RPRD1A: variants seen among roughly 807,000 people sequenced by gnomAD.
The protein encoded by RPRD1A is regulation of nuclear pre-mRNA domain-containing protein 1A.
A neutral mutation model predicts 37.8 loss-of-function variants in RPRD1A; 9 were observed. The observed-to-expected ratio is 0.24, with a 90% CI of 0.14 to 0.42. The LOEUF is 0.42. Ranked by LOEUF, RPRD1A falls within the 10% of genes least tolerant of loss-of-function variation. RPRD1A has a pLI of 1.00. For missense variants in RPRD1A, 255 were observed against 371.0 expected (o/e 0.69, Z 2.57); for synonymous variants, 138 against 139.7 (o/e 0.99, Z 0.08).
intron 6 of RPRD1A, chr18:36,025,781 T>G (rs1467177267): frequency 7.2e-6 from 3 of 416,302 alleles, no homozygotes; most frequent in Non-Finnish European, 8.1e-6. Flanking sequence ...AATAAAACAA[T>G]TAACACTATG....
chr18:36,055,731 A>AGAATAC (rs1913718121), intron 1 of RPRD1A, among the ~76,000 whole-genome samples: 1 of 152,212 alleles, frequency 6.6e-6, no homozygotes, highest in South Asian at 2.1e-4. Flanking sequence ...AAGAATACAC[A>AGAATAC]AGAAAACTCT....
At chr18:36,028,901 C>T (rs1183874209) in intron 4 of RPRD1A, among the ~76,000 whole-genome samples, 1 of 152,182 alleles carries the variant, frequency 6.6e-6, no homozygotes, top group African/African-American at 2.4e-5. Context: ...AAAAATACTC[C>T]TAAGATATGC....
At chr18:36,030,294 G>A (rs909799566) in intron 4 of RPRD1A, among the ~76,000 whole-genome samples, 2 of 146,678 alleles carry the variant, frequency 1.4e-5, no homozygotes, top group African/African-American at 5.1e-5. Flanking sequence ...AGACCAGCCT[G>A]GCCAACATGG....
chr18:36,009,551 GA>G (rs1910039307), intron 6 of RPRD1A, among the ~76,000 whole-genome samples: 1 of 152,180 alleles, frequency 6.6e-6, no homozygotes, highest in South Asian at 2.1e-4. Context: ...CATCTTCTGT[GA>G]ATACTGCCTA....
intron 6 of RPRD1A, among the ~76,000 whole-genome samples, chr18:36,002,981 A>G (rs182226452): frequency 2.0e-4 from 31 of 152,350 alleles, no homozygotes; most frequent in Admixed American, 1.8e-3. Context: ...TAACACATCC[A>G]ATGGTCCTAG....
At position 36,016,084 on chromosome 18, in the gene RPRD1A, GA is replaced by G. The variant is rs1231185960; in HGVS notation, c.789+10815del. 2.0e-5 allele frequency among the ~76,000 whole-genome samples: 3 copies of G among 151,936 alleles called. No homozygotes were observed. The East Asian group carries it at 5.8e-4, about 29-fold the overall frequency. On this transcript the variant is annotated intron_variant, in intron 6 of 6. Coordinates refer to ENST00000399022, the MANE Select transcript of RPRD1A (RefSeq NM_018170.5). ...TAAGTAATCTGATAAAAGGCAAAGAGAAAAAAACTATGTAAAATAAATGCTT... is the reference window on the plus strand; with the variant it reads ...TAAGTAATCTGATAAAAGGCAAAGAGAAAAAACTATGTAAAATAAATGCTT...
At chr18:36,009,694 T>C (rs1455412247) in intron 6 of RPRD1A, among the ~76,000 whole-genome samples, 1 of 152,220 alleles carries the variant, frequency 6.6e-6, no homozygotes, top group Non-Finnish European at 1.5e-5. Context: ...CCATTATGAA[T>C]AGAACTTACT....
chr18:36,005,796 A>G (rs961018919), intron 6 of RPRD1A, among the ~76,000 whole-genome samples: 1 of 152,226 alleles, frequency 6.6e-6, no homozygotes, highest in African/African-American at 2.4e-5. Context: ...ACTAACCAAG[A>G]TAGACATCCA....
intron 6 of RPRD1A, among the ~76,000 whole-genome samples, chr18:36,024,579 G>A (rs1911232306): frequency 6.6e-6 from 1 of 152,022 alleles, no homozygotes; most frequent in African/African-American, 2.4e-5. Context: ...TTTAATAATG[G>A]CTTCCTTAAG....
chr18:36,006,084 A>T (rs375238707), intron 6 of RPRD1A, among the ~76,000 whole-genome samples: 33 of 152,368 alleles, frequency 2.2e-4, no homozygotes, highest in East Asian at 7.7e-4. Flanking sequence ...AAAATAGAAG[A>T]AGTACTTAGA....
chr18:36,045,674 C>A (rs150895863), intron 1 of RPRD1A, among the ~76,000 whole-genome samples: 1 of 152,160 alleles, frequency 6.6e-6, no homozygotes. Context: ...AACTTTGCAA[C>A]CTGATGAAAT....
intron 6 of RPRD1A, among the ~76,000 whole-genome samples, chr18:36,022,343 G>C (rs1285870308): frequency 6.6e-6 from 1 of 152,194 alleles, no homozygotes; most frequent in Non-Finnish European, 1.5e-5. Flanking sequence ...GATGACGGTG[G>C]CTACACTAAA....
chr18:36,049,414 T>C (rs1005166023), intron 1 of RPRD1A, among the ~76,000 whole-genome samples: 4 of 151,058 alleles, frequency 2.6e-5, no homozygotes, highest in African/African-American at 4.9e-5. Context: ...ATCAAAAACC[T>C]GCATATAATT....
At chr18:36,045,497 G>A (rs1912890265) in intron 1 of RPRD1A, among the ~76,000 whole-genome samples, 1 of 152,180 alleles carries the variant, frequency 6.6e-6, no homozygotes, top group Non-Finnish European at 1.5e-5. Context: ...TGCATTTTCA[G>A]TAAGTTCTCA....
Position 36,036,568 on chromosome 18 carries a change from T to C in RPRD1A, c.152-2731A>G, listed in dbSNP as rs147991670. On this transcript the variant is annotated intron_variant, in intron 1 of 6. Coordinates refer to ENST00000399022, the MANE Select transcript of RPRD1A (RefSeq NM_018170.5). ...GATACTATTTTCACTTTTATCTTTG[T>C]AGGACCAAGCAAAAATATGAAAAAT... Among the ~76,000 whole-genome samples the C allele has an allele frequency of 1.9e-4, 29 of 152,312 alleles. No homozygotes were observed. In the East Asian group the frequency reaches 5.6e-3, roughly 29 times the overall value.
At chr18:36,000,517 G>C (rs1909350621) in intron 6 of RPRD1A, among the ~76,000 whole-genome samples, 1 of 152,132 alleles carries the variant, frequency 6.6e-6, no homozygotes, top group African/African-American at 2.4e-5. Flanking sequence ...TTTTCTGCAA[G>C]GAACCCAATG....
intron 6 of RPRD1A, among the ~76,000 whole-genome samples, chr18:35,997,458 T>C (rs1394536029): frequency 1.3e-5 from 2 of 152,230 alleles, no homozygotes; most frequent in South Asian, 2.1e-4. Flanking sequence ...TATATACATA[T>C]GTATCTCTTA....
In RPRD1A at chr18:36,058,136, A is replaced by G. The variant is rs375530429; in HGVS notation, c.151+9118T>C. The stretch of plus-strand genomic sequence containing the variant: ...ATGGCTCATTGCAACCTCTGCCTCC[A>G]GACTCAAGCAATCCTCCTACCTCAG... On this transcript the variant is annotated intron_variant, in intron 1 of 6. Coordinates refer to ENST00000399022, the MANE Select transcript of RPRD1A (RefSeq NM_018170.5). 6.6e-5 allele frequency among the ~76,000 whole-genome samples: 10 copies of G among 152,316 alleles called. No individual in the cohort carries two copies. The East Asian group carries it at 1.9e-3, about 29-fold the overall frequency.
intron 6 of RPRD1A, among the ~76,000 whole-genome samples, chr18:36,019,837 T>A (rs1910870973): frequency 6.6e-6 from 1 of 152,150 alleles, no homozygotes; most frequent in Non-Finnish European, 1.5e-5. Flanking sequence ...GTCAGGAGTT[T>A]GAGACAAGCC....
Sources: allele counts gnomAD v4.1 joint callset (sites outside exome capture counted in the v4.1 genomes callset), GRCh38; gene constraint gnomAD v4.1.1; transcripts MANE v1.5; gene names NCBI Gene and HGNC (gene_info 2026-07-23, HGNC 2026-07-21).